The following GMDS variants were observed in gnomAD, a reference collection of about 807,000 sequenced individuals.
The protein encoded by GMDS is GDP-mannose 4,6-dehydratase.
In GMDS, 20 loss-of-function variants were observed where a neutral mutation model predicts 49.9. The observed-to-expected ratio is 0.40, with a 90% CI of 0.28 to 0.58. The LOEUF (loss-of-function observed/expected upper bound fraction) is 0.58. GMDS is among the 20% of genes least tolerant of loss of function. The pLI, the probability that GMDS is intolerant of heterozygous loss-of-function variation, is 0.42. For missense variants in GMDS, 362 were observed against 481.4 expected (o/e 0.75, Z 2.32); for synonymous variants, 177 against 178.6 (o/e 0.99, Z 0.07).
intron 7 of GMDS, among the ~76,000 whole-genome samples, chr6:1,754,457 G>C: frequency 6.6e-6 from 1 of 152,184 alleles, no homozygotes; most frequent in East Asian, 1.9e-4. Context: ...GGTACAAAGA[G>C]GAGCTGGTAC....
intron 7 of GMDS, among the ~76,000 whole-genome samples, chr6:1,771,950 G>C (rs1276113416): frequency 1.3e-5 from 2 of 151,116 alleles, no homozygotes; most frequent in Non-Finnish European, 2.9e-5. Context: ...TAGAGTCTAA[G>C]AAAGAAAAGG....
chr6:1,819,380 A>C (rs938076705), intron 7 of GMDS, among the ~76,000 whole-genome samples: 5 of 152,234 alleles, frequency 3.3e-5, no homozygotes, highest in Non-Finnish European at 7.3e-5. Context: ...TTTTCTGTGA[A>C]AAGCACTGAG....
chr6:1,713,086 C>T (rs1766030416), intron 9 of GMDS, among the ~76,000 whole-genome samples: 1 of 152,228 alleles, frequency 6.6e-6, no homozygotes, highest in South Asian at 2.1e-4. Flanking sequence ...GGATGTCAGA[C>T]TGACAAGTCA....
At chr6:2,118,816 C>T (rs1243516566) in intron 2 of GMDS, among the ~76,000 whole-genome samples, 1 of 152,132 alleles carries the variant, frequency 6.6e-6, no homozygotes, top group African/African-American at 2.4e-5. Context: ...CCCTAGGAAG[C>T]ATTAAATTGA....
intron 1 of GMDS, among the ~76,000 whole-genome samples, chr6:2,176,264 T>TA (rs916641121): frequency 5.3e-5 from 8 of 152,066 alleles, no homozygotes; most frequent in African/African-American, 1.7e-4. Flanking sequence ...CCATTTTTCT[T>TA]AAAAAAAATT....
intron 1 of GMDS, among the ~76,000 whole-genome samples, chr6:2,129,933 C>T (rs1005081521): frequency 5.3e-5 from 8 of 152,198 alleles, no homozygotes; most frequent in Non-Finnish European, 4.4e-5. Context: ...ATTAATTAAT[C>T]CAACCCTCTC....
chr6:1,829,459 A>C (rs768656950), intron 7 of GMDS, among the ~76,000 whole-genome samples: 2 of 152,226 alleles, frequency 1.3e-5, no homozygotes, highest in Non-Finnish European at 2.9e-5. Context: ...TCTGGGACAC[A>C]GTCTTGCTGT....
chr6:2,090,725 G>T (rs1773270969), intron 4 of GMDS, among the ~76,000 whole-genome samples: 1 of 152,110 alleles, frequency 6.6e-6, no homozygotes, highest in Non-Finnish European at 1.5e-5. Flanking sequence ...GTCTATAGTG[G>T]CATTAAATAA....
rs184072584 is a variant in GMDS at position 2,146,503 on chromosome 6, C to T, written c.103-21772G>A. On this transcript the variant is annotated intron_variant, in intron 1 of 10. Coordinates refer to ENST00000380815, the MANE Select transcript of GMDS (RefSeq NM_001500.4). The stretch of plus-strand genomic sequence containing the variant: ...GAGTCTCCGGCATTAACAAAATACT[C>T]ACAGACAGGAATTATGTTATATTAC... 1.0e-3 allele frequency among the ~76,000 whole-genome samples: 155 copies of T among 152,272 alleles called. 1 individual carries two copies. Among genetic ancestry groups the T allele is most frequent in the Non-Finnish European group, 1.4e-3 (96 of 68,022 alleles).
At chr6:1,657,349 T>G (rs1427890969) in intron 9 of GMDS, among the ~76,000 whole-genome samples, 1 of 152,228 alleles carries the variant, frequency 6.6e-6, no homozygotes, top group African/African-American at 2.4e-5. Context: ...GCGGTGCTTA[T>G]GCACTTAGGC....
chr6:2,191,540 G>T lies in GMDS; in HGVS notation c.102+53781C>A, dbSNP rs1360128845. On this transcript the variant is annotated intron_variant, in intron 1 of 10. Transcript: ENST00000380815. This position sits in a 1 kb window ranked among gnomAD's most constrained non-coding sequence, Gnocchi z 4.6. ...CCTGGAAGGCCCCCGCCTTGCCCTTGCAGGCTCGGAGGTGCCTACCTCCAC... is the reference window on the plus strand; with the variant it reads ...CCTGGAAGGCCCCCGCCTTGCCCTTTCAGGCTCGGAGGTGCCTACCTCCAC... Among the ~76,000 whole-genome samples, 2 of 152,240 alleles carry T rather than the reference G, an allele frequency of 1.3e-5. No individual in the cohort carries two copies. Among genetic ancestry groups the T allele is most frequent in the Non-Finnish European group, 1.5e-5 (1 of 68,036 alleles).
At chr6:2,015,825 CAGCAAAACT>C (rs1767855810) in intron 4 of GMDS, among the ~76,000 whole-genome samples, 1 of 152,124 alleles carries the variant, frequency 6.6e-6, no homozygotes, top group Admixed American at 6.5e-5. Context: ...TTTTGCAGTT[CAGCAAAACT>C]AGCAAAACAG....
chr6:2,059,485 G>GACAA (rs1770995429), intron 4 of GMDS, among the ~76,000 whole-genome samples: 1 of 150,168 alleles, frequency 6.7e-6, no homozygotes, highest in Non-Finnish European at 1.5e-5. Flanking sequence ...GAGGCGGGTG[G>GACAA]ATCACGAGGT....
At chr6:2,103,417 A>C (rs754684654) in intron 4 of GMDS, among the ~76,000 whole-genome samples, 1 of 152,176 alleles carries the variant, frequency 6.6e-6, no homozygotes, top group Non-Finnish European at 1.5e-5. Context: ...TGTTATACAC[A>C]CCTTTAGAAT....
At chr6:2,207,902 G>A (rs529133290) in intron 1 of GMDS, among the ~76,000 whole-genome samples, 5 of 151,916 alleles carry the variant, frequency 3.3e-5, no homozygotes, top group African/African-American at 1.2e-4. Context: ...CTCTAAAACA[G>A]GATCTTGAGA....
intron 4 of GMDS, among the ~76,000 whole-genome samples, chr6:2,019,634 G>C (rs1429971202): frequency 6.6e-6 from 1 of 152,030 alleles, no homozygotes; most frequent in South Asian, 2.1e-4. Flanking sequence ...ATTTTTAGTA[G>C]AGACGGAGTT....
At chr6:2,120,361 A>G (rs890389220) in intron 2 of GMDS, among the ~76,000 whole-genome samples, 1 of 152,092 alleles carries the variant, frequency 6.6e-6, no homozygotes, top group African/African-American at 2.4e-5. Context: ...TAATCAAAGT[A>G]TAAAGGCTTC....
At chr6:1,943,966 C>G (rs1762938257) in intron 6 of GMDS, among the ~76,000 whole-genome samples, 2 of 152,204 alleles carry the variant, frequency 1.3e-5, no homozygotes, top group Admixed American at 6.5e-5. Flanking sequence ...TGTATATCAT[C>G]TTCTGAAATC....
At chr6:1,712,161 TG>T (rs1290807094) in intron 9 of GMDS, among the ~76,000 whole-genome samples, 1 of 152,224 alleles carries the variant, frequency 6.6e-6, no homozygotes, top group African/African-American at 2.4e-5. Flanking sequence ...CAGAAGATGC[TG>T]GAAAATTAAG....
Sources: allele counts gnomAD v4.1 joint callset (sites outside exome capture counted in the v4.1 genomes callset), GRCh38; gene constraint gnomAD v4.1.1; non-coding constraint Gnocchi (gnomAD v3.1); transcripts MANE v1.5; gene names NCBI Gene and HGNC (gene_info 2026-07-23, HGNC 2026-07-21).